Variants in SNX9 observed in about 807,000 individuals in gnomAD.
The protein encoded by SNX9 is sorting nexin-9.
SNX9 carries 44 observed loss-of-function variants against 89.4 expected under a neutral mutation model. The ratio of observed to expected loss-of-function variants is 0.49; its 90% CI spans 0.39 to 0.63. The LOEUF (loss-of-function observed/expected upper bound fraction) is 0.63. Among genes scored for constraint, SNX9 ranks in the 30% least tolerant of loss-of-function variants. SNX9 has a pLI of 0.00. For synonymous variants in SNX9, 236 were observed against 247.8 expected (o/e 0.95, Z 0.45); for missense variants, 578 against 736.1 (o/e 0.79, Z 2.49).
chr6:157,897,065 G>A (rs1782993763), intron 5 of SNX9, 67 bp downstream of exon 5: 13 of 1,440,406 alleles, frequency 9.0e-6, no homozygotes, highest in Admixed American at 2.6e-5. Flanking sequence ...AGGGAAGACC[G>A]AACTGTTTTT....
chr6:157,880,002 G>A (rs933510450), intron 4 of SNX9, among the ~76,000 whole-genome samples: 1 of 152,194 alleles, frequency 6.6e-6, no homozygotes, highest in African/African-American at 2.4e-5. Flanking sequence ...CTAGAAAGAT[G>A]TGTATACTTG....
At chr6:157,840,518 T>G (rs13217442) in intron 1 of SNX9, among the ~76,000 whole-genome samples, 1 of 152,052 alleles carries the variant, frequency 6.6e-6, no homozygotes, top group Non-Finnish European at 1.5e-5. Context: ...TCTTTCTTTT[T>G]TAAAGAGTTG....
chr6:157,869,028 A>G (rs1782333054), intron 2 of SNX9, among the ~76,000 whole-genome samples: 1 of 152,228 alleles, frequency 6.6e-6, no homozygotes. Context: ...CAAAGACAGG[A>G]AACCTGGCCC....
At chr6:157,847,742 T>G (rs908231979) in intron 1 of SNX9, among the ~76,000 whole-genome samples, 3 of 152,176 alleles carry the variant, frequency 2.0e-5, no homozygotes, top group African/African-American at 7.2e-5. Flanking sequence ...TAAAATCCTG[T>G]AACATATTTT....
chr6:157,855,338 T>C (rs1458420981), intron 1 of SNX9, among the ~76,000 whole-genome samples: 1 of 152,226 alleles, frequency 6.6e-6, no homozygotes, highest in Non-Finnish European at 1.5e-5. Context: ...CTGGGTGGCA[T>C]TGCAGTAAAT....
intron 1 of SNX9, among the ~76,000 whole-genome samples, chr6:157,864,897 G>A (rs1057277548): frequency 1.3e-5 from 2 of 152,134 alleles, no homozygotes; most frequent in African/African-American, 4.8e-5. Flanking sequence ...GTGTGGTGGC[G>A]CATGCCTGTA....
At chr6:157,892,085 A>T (rs1470241758) in intron 4 of SNX9, among the ~76,000 whole-genome samples, 1 of 151,998 alleles carries the variant, frequency 6.6e-6, no homozygotes, top group African/African-American at 2.4e-5. Flanking sequence ...GAGAAAGAGG[A>T]TGAAGATGCT....
chr6:157,916,066 G>A (rs1272813689), intron 9 of SNX9, among the ~76,000 whole-genome samples: 9 of 149,894 alleles, frequency 6.0e-5, no homozygotes, highest in Admixed American at 2.0e-4. Flanking sequence ...ACGGAGTCTC[G>A]CTCTGTCGCC....
At chr6:157,937,618 A>G in intron 15 of SNX9, 95 bp downstream of exon 15, 1 of 856,514 alleles carries the variant, frequency 1.2e-6, no homozygotes, top group Non-Finnish European at 1.9e-6. Flanking sequence ...TTATTATTAA[A>G]AAAGAAACAA....
chr6:157,826,830 T>A (rs1204313603), intron 1 of SNX9, among the ~76,000 whole-genome samples: 14 of 113,734 alleles, frequency 1.2e-4, no homozygotes, highest in East Asian at 4.5e-4. Context: ...ATATTATATT[T>A]TATATATATA....
chr6:157,878,674 G>A (rs912409338), intron 4 of SNX9, among the ~76,000 whole-genome samples: 3 of 152,010 alleles, frequency 2.0e-5, no homozygotes, highest in East Asian at 1.9e-4. Flanking sequence ...CTTGTGATCC[G>A]CCCACTTCAG....
At chr6:157,841,808 G>C (rs1188263321) in intron 1 of SNX9, among the ~76,000 whole-genome samples, 1 of 152,162 alleles carries the variant, frequency 6.6e-6, no homozygotes, top group Non-Finnish European at 1.5e-5. Context: ...TTACTACACT[G>C]TGACTTTTAA....
At chr6:157,846,229 G>A (rs1781805177) in intron 1 of SNX9, among the ~76,000 whole-genome samples, 1 of 152,162 alleles carries the variant, frequency 6.6e-6, no homozygotes, top group Non-Finnish European at 1.5e-5. Context: ...TAAACTTTAA[G>A]TTAGCTCTTC....
intron 6 of SNX9, among the ~76,000 whole-genome samples, chr6:157,903,395 T>C (rs182041174): frequency 9.8e-5 from 15 of 152,294 alleles, no homozygotes; most frequent in African/African-American, 3.6e-4. Flanking sequence ...ACTGCACACT[T>C]TTGCTGCCTC....
At chr6:157,904,432 CA>C (rs202231815) in intron 6 of SNX9, among the ~76,000 whole-genome samples, 4 of 145,490 alleles carry the variant, frequency 2.7e-5, no homozygotes, top group African/African-American at 7.5e-5. Flanking sequence ...ACTCTGTCTC[CA>C]AAAAAAAAAT....
chr6:157,875,114 C>T lies in SNX9; in HGVS notation c.238C>T (p.Leu80Phe), dbSNP rs1193818511. Reference protein sequence around the residue: ...CGNSVADQAFLDSLSASTAQA... With the variant: ...CGNSVADQAFFDSLSASTAQA... ...AAATTCAGTGGCTGACCAAGCCTTCCTTGATTCTCTCTCAGCCAGCACAGC... is the reference window on the plus strand; with the variant it reads ...AAATTCAGTGGCTGACCAAGCCTTCTTTGATTCTCTCTCAGCCAGCACAGC... Residue 80 changes from leucine (L) to phenylalanine (F), a missense_variant, in exon 4 of 18, where the codon CTT becomes TTT. By Grantham distance (22) the Leu-to-Phe change is conservative. This residue lies in a region of SNX9 where 230 missense variants were observed against 244.7 expected (regional missense o/e 0.94). Transcript: ENST00000392185. 1 of 1,613,930 alleles carries T rather than the reference C, an allele frequency of 6.2e-7. No individual in the cohort carries two copies. Among genetic ancestry groups the T allele is most frequent in the African/African-American group, 1.3e-5 (1 of 74,910 alleles).
At chr6:157,837,786 C>A (rs1461799435) in intron 1 of SNX9, among the ~76,000 whole-genome samples, 2 of 152,158 alleles carry the variant, frequency 1.3e-5, no homozygotes, top group Non-Finnish European at 2.9e-5. Flanking sequence ...TAACGGGTGT[C>A]TAAATAAGAG....
Position 157,868,741 on chromosome 6 carries a change from CAATT to C in SNX9, c.99+1112_99+1115del, listed in dbSNP as rs568139260. On this transcript the variant is annotated intron_variant, in intron 2 of 17. Coordinates refer to ENST00000392185, the MANE Select transcript of SNX9 (RefSeq NM_016224.5). Reference sequence around the variant, plus strand: ...TGAAATAATGTAACAAAAATTGTATCAATTAATAGTATTTCATTGCAGGCTTATA... The same window carrying C: ...TGAAATAATGTAACAAAAATTGTATCAATAGTATTTCATTGCAGGCTTATA... 4.7e-3 allele frequency among the ~76,000 whole-genome samples: 717 copies of C among 152,254 alleles called. 6 individuals carry two copies. The highest frequency in any genetic ancestry group is 0.015 in the African/African-American group (643 of 41,524).
intron 7 of SNX9, among the ~76,000 whole-genome samples, 190 bp from the exon 8 acceptor site, chr6:157,909,475 G>A (rs1402777452): frequency 6.6e-6 from 1 of 152,152 alleles, no homozygotes; most frequent in Non-Finnish European, 1.5e-5. Context: ...TTTCCCACAG[G>A]TGTGTTCTTT....
Sources: allele counts gnomAD v4.1 joint callset (sites outside exome capture counted in the v4.1 genomes callset), GRCh38; gene constraint gnomAD v4.1.1; regional missense constraint gnomAD v4.1.1; transcripts MANE v1.5; gene names NCBI Gene and HGNC (gene_info 2026-07-23, HGNC 2026-07-21).